The following CCDC60 variants were observed in gnomAD, a reference collection of about 807,000 sequenced individuals.
CCDC60 encodes the protein coiled-coil domain-containing protein 60.
CCDC60 carries 54 observed loss-of-function variants against 63.5 expected under a neutral mutation model. The ratio of observed to expected loss-of-function variants is 0.85; its 90% CI spans 0.68 to 1.07. The LOEUF is 1.07. Among genes scored for constraint, CCDC60 ranks in the 50% least tolerant of loss-of-function variants. The probability of loss-of-function intolerance (pLI) is 0.00; values close to 1 mark genes in which losing one functional copy is unlikely to be tolerated. For synonymous variants in CCDC60, 206 were observed against 238.8 expected, an observed-to-expected ratio of 0.86 and a Z score of 1.27; for missense variants, 651 against 684.3, an observed-to-expected ratio of 0.95 and a Z score of 0.54.
At chr12:119,506,480 G>T (rs996571456) in intron 7 of CCDC60, among the ~76,000 whole-genome samples, 8 of 151,482 alleles carry the variant, frequency 5.3e-5, no homozygotes, top group African/African-American at 1.9e-4. Context: ...ATGCATGGTG[G>T]TGTGTGCCTG....
intron 2 of CCDC60, among the ~76,000 whole-genome samples, chr12:119,458,488 G>A (rs929175700): frequency 2.6e-5 from 4 of 152,110 alleles, no homozygotes; most frequent in Non-Finnish European, 5.9e-5. Context: ...GTGATTTGTG[G>A]TAGTTAATCC....
chr12:119,523,862 G>A, intron 11 of CCDC60, 44 bp downstream of exon 11: 2 of 1,599,584 alleles, frequency 1.3e-6, no homozygotes, highest in Non-Finnish European at 1.7e-6. Flanking sequence ...GCATTCACTG[G>A]GTACCTACTA....
At chr12:119,493,224 C>A (rs961123016) in intron 5 of CCDC60, among the ~76,000 whole-genome samples, 3 of 152,144 alleles carry the variant, frequency 2.0e-5, no homozygotes, top group Non-Finnish European at 2.9e-5. Context: ...AAGGAGATAT[C>A]CATCCTTGGG....
intron 2 of CCDC60, among the ~76,000 whole-genome samples, chr12:119,437,435 T>C (rs1165776556): frequency 6.6e-6 from 1 of 152,182 alleles, no homozygotes; most frequent in Non-Finnish European, 1.5e-5. Context: ...TACATGGGAT[T>C]TAATTTCTTT....
At chr12:119,521,782 G>A (rs1050876872) in intron 9 of CCDC60, among the ~76,000 whole-genome samples, 4 of 152,192 alleles carry the variant, frequency 2.6e-5, no homozygotes, top group African/African-American at 9.7e-5. Context: ...TTGAAAAGAA[G>A]AGAGCCATCT....
intron 4 of CCDC60, chr12:119,479,683 C>T (rs1951257601): frequency 1.3e-5 from 2 of 152,552 alleles, no homozygotes; most frequent in Admixed American, 1.3e-4. Flanking sequence ...TGTCTTGTTC[C>T]CCTTGTGTCT....
chr12:119,360,199 TG>T (rs1955763868), intron 1 of CCDC60, among the ~76,000 whole-genome samples: 1 of 147,024 alleles, frequency 6.8e-6, no homozygotes, highest in South Asian at 2.2e-4. Flanking sequence ...ACAGGGCGGC[TG>T]GCTGGGCAGA....
At chr12:119,446,056 C>G (rs561929168) in intron 2 of CCDC60, among the ~76,000 whole-genome samples, 3 of 152,018 alleles carry the variant, frequency 2.0e-5, no homozygotes, top group African/African-American at 7.2e-5. Context: ...CGACCTGTAC[C>G]CTAATAACTT....
At chr12:119,450,855 T>TC (rs1950618653) in intron 2 of CCDC60, among the ~76,000 whole-genome samples, 1 of 73,782 alleles carries the variant, frequency 1.4e-5, no homozygotes, top group African/African-American at 6.0e-5. Context: ...AGACTCCATC[T>TC]CAAAAAAAAA....
chr12:119,444,818 C>G (rs1950511537), intron 2 of CCDC60, among the ~76,000 whole-genome samples: 1 of 152,198 alleles, frequency 6.6e-6, no homozygotes, highest in Non-Finnish European at 1.5e-5. Context: ...CCTTTAGGAG[C>G]TATGGGATAC....
At chr12:119,518,945 A>G (rs1036381904) in intron 8 of CCDC60, among the ~76,000 whole-genome samples, 4 of 152,208 alleles carry the variant, frequency 2.6e-5, no homozygotes, top group Non-Finnish European at 5.9e-5. Context: ...TGATAAAATA[A>G]CCATGGTTAC....
Position 119,479,198 on chromosome 12 carries a change from A to T in CCDC60, c.446A>T (p.His149Leu). 1 of 1,611,016 alleles carries T rather than the reference A, an allele frequency of 6.2e-7. No homozygotes were observed. The highest frequency in any genetic ancestry group is 1.3e-5 in the African/African-American group (1 of 74,972). Residue 149 changes from histidine (H) to leucine (L), a missense_variant, in exon 4 of 14, where the codon CAC (histidine) becomes CTC (leucine). Coordinates refer to ENST00000327554, the MANE Select transcript of CCDC60 (RefSeq NM_178499.5). ...ATTTCTCCCTCGCTAACCGAGGCTCACGTGTAAGTAGTCTCACCTCCAGCT... is the reference window on the plus strand; with the variant it reads ...ATTTCTCCCTCGCTAACCGAGGCTCTCGTGTAAGTAGTCTCACCTCCAGCT... ...CIISPSLTEA[H>L]VEPLFRQLCA... is the part of the protein sequence containing the mutation.
chr12:119,376,277 T>C (rs994490864), intron 1 of CCDC60, among the ~76,000 whole-genome samples: 41 of 152,200 alleles, frequency 2.7e-4, no homozygotes, highest in African/African-American at 9.4e-4. Context: ...CCTTGATCAC[T>C]TTGATCCCTC....
intron 1 of CCDC60, 75 bp downstream of exon 1, chr12:119,335,341 A>G: frequency 8.7e-7 from 1 of 1,148,338 alleles, no homozygotes; most frequent in East Asian, 2.5e-5. Context: ...GTCAAATGGT[A>G]TTTCTAGTTC....
intron 1 of CCDC60, among the ~76,000 whole-genome samples, chr12:119,342,021 G>C (rs1955537628): frequency 6.6e-6 from 1 of 152,192 alleles, no homozygotes; most frequent in Non-Finnish European, 1.5e-5. Flanking sequence ...GTTTTTGGCT[G>C]CAAGTAAGAG....
intron 7 of CCDC60, among the ~76,000 whole-genome samples, chr12:119,508,188 A>G (rs1050521379): frequency 6.6e-6 from 1 of 151,588 alleles, no homozygotes; most frequent in Non-Finnish European, 1.5e-5. Context: ...AAAGTAATAA[A>G]GAAGAAAGTT....
chr12:119,441,263 C>A (rs1026150546), intron 2 of CCDC60, among the ~76,000 whole-genome samples: 3 of 152,184 alleles, frequency 2.0e-5, no homozygotes, highest in Non-Finnish European at 4.4e-5. Flanking sequence ...AATTTTAAAT[C>A]TCTTCCTGTT....
At chr12:119,500,248 C>A in intron 6 of CCDC60, 80 bp downstream of exon 6, 1 of 960,450 alleles carries the variant, frequency 1.0e-6, no homozygotes, top group South Asian at 1.4e-5. Flanking sequence ...AGTCTTTTCT[C>A]TGATGGGAAT....
intron 4 of CCDC60, among the ~76,000 whole-genome samples, chr12:119,483,602 T>G (rs1252249440): frequency 6.6e-6 from 1 of 152,240 alleles, no homozygotes; most frequent in Admixed American, 6.5e-5. Flanking sequence ...TTGGAATGGC[T>G]TTGAATGCAT....
Sources: allele counts gnomAD v4.1 joint callset (sites outside exome capture counted in the v4.1 genomes callset), GRCh38; gene constraint gnomAD v4.1.1; transcripts MANE v1.5; gene names NCBI Gene and HGNC (gene_info 2026-07-23, HGNC 2026-07-21).